HNRNPM: variants seen among roughly 807,000 people sequenced by gnomAD.
The protein encoded by HNRNPM is CEA receptor.
HNRNPM carries 11 observed loss-of-function variants against 73.1 expected under a neutral mutation model. That is an observed-to-expected ratio of 0.15 (90% CI 0.09 to 0.25). The LOEUF (loss-of-function observed/expected upper bound fraction) is 0.25. HNRNPM is among the 10% of genes least tolerant of loss of function. HNRNPM has a pLI of 1.00. For missense variants in HNRNPM, 789 were observed against 1,067.9 expected, an observed-to-expected ratio of 0.74 and a Z score of 3.64; for synonymous variants, 407 against 355.2, an observed-to-expected ratio of 1.15 and a Z score of -1.64.
intron 10 of HNRNPM, 54 bp from the exon 11 acceptor site, chr19:8,473,610 C>T (rs891720723): frequency 3.4e-5 from 37 of 1,093,262 alleles, no homozygotes; most frequent in Admixed American, 1.9e-4. Context: ...TAAGTTCAAA[C>T]GTTATTTACT....
intron 1 of HNRNPM, among the ~76,000 whole-genome samples, chr19:8,446,545 G>C (rs1466436358): frequency 6.6e-6 from 1 of 152,132 alleles, no homozygotes; most frequent in Non-Finnish European, 1.5e-5. Flanking sequence ...GAGTAGCTGG[G>C]ATCACAGGCG....
chr19:8,458,733 C>CT (rs1442658203), intron 2 of HNRNPM, among the ~76,000 whole-genome samples: 2 of 152,340 alleles, frequency 1.3e-5, no homozygotes, highest in African/African-American at 4.8e-5. Context: ...TAATACACCA[C>CT]TTTAAGTAAA....
chr19:8,449,174 G>T (rs1398434628), intron 1 of HNRNPM, among the ~76,000 whole-genome samples: 2 of 152,210 alleles, frequency 1.3e-5, no homozygotes, highest in Non-Finnish European at 2.9e-5. Flanking sequence ...AGAAGACAGG[G>T]TTTTGGATTA....
intron 13 of HNRNPM, among the ~76,000 whole-genome samples, chr19:8,484,435 A>G (rs1297550655): frequency 1.3e-5 from 2 of 152,094 alleles, no homozygotes; most frequent in Admixed American, 1.3e-4. Flanking sequence ...GGCCTCCCAA[A>G]GTACTGGGAT....
chr19:8,484,587 G>A (rs751603277), intron 13 of HNRNPM, among the ~76,000 whole-genome samples: 1 of 152,208 alleles, frequency 6.6e-6, no homozygotes, highest in African/African-American at 2.4e-5. Flanking sequence ...CTTAGAGTCG[G>A]GCCTGCTTTG....
At chr19:8,446,670 T>C (rs1968210589) in intron 1 of HNRNPM, among the ~76,000 whole-genome samples, 1 of 152,174 alleles carries the variant, frequency 6.6e-6, no homozygotes, top group South Asian at 2.1e-4. Context: ...TCCAAAGTGC[T>C]GAAGTTACAG....
chr19:8,488,514 C>A, intron 15 of HNRNPM, 177 bp from the exon 16 acceptor site: 1 of 517,430 alleles, frequency 1.9e-6, no homozygotes, highest in South Asian at 3.5e-5. Context: ...GGGGCAGGGG[C>A]AGGCTCTGTT....
chr19:8,485,575 C>T, intron 13 of HNRNPM, 28 bp from the exon 14 acceptor site: 1 of 1,582,504 alleles, frequency 6.3e-7, no homozygotes, highest in South Asian at 1.1e-5. Context: ...TTCTTGACAC[C>T]CACCTGTGTT....
chr19:8,476,574 AAAAAAGAG>A (rs1399127745), intron 12 of HNRNPM, among the ~76,000 whole-genome samples: 1 of 40,974 alleles, frequency 2.4e-5, no homozygotes, highest in Non-Finnish European at 1.6e-4. Context: ...GTTAAAAAAA[AAAAAAGAG>A]AGATTGTTAA....
At chr19:8,482,165 A>T (rs142420198) in intron 12 of HNRNPM, among the ~76,000 whole-genome samples, 4 of 151,846 alleles carry the variant, frequency 2.6e-5, no homozygotes, top group African/African-American at 9.7e-5. Context: ...GGGTTTCACC[A>T]TGTTGGCCAG....
intron 8 of HNRNPM, 68 bp downstream of exon 8, chr19:8,467,652 T>A: frequency 9.2e-7 from 1 of 1,084,734 alleles, no homozygotes; most frequent in Non-Finnish European, 1.4e-6. Flanking sequence ...AATAAGAGTG[T>A]ACATATAGCC....
Position 8,462,689 on chromosome 19 carries a change from A to G in HNRNPM, c.336+108A>G, listed in dbSNP as rs1371072927. ...GGAAGGCAGTGAGTGCTCATGTTAC[A>G]GTAGCTATGTTTGATTTTGCCAAAC... On this transcript the variant is annotated intron_variant, in intron 3 of 15. Coordinates refer to ENST00000325495, the MANE Select transcript of HNRNPM (RefSeq NM_005968.5). This position sits in a 1 kb window ranked among gnomAD's most constrained non-coding sequence, Gnocchi z 4.5. 2 of 929,896 alleles carry G rather than the reference A, an allele frequency of 2.2e-6. No individual in the cohort carries two copies. Among genetic ancestry groups the G allele is most frequent in the African/African-American group, 3.2e-5 (2 of 61,598 alleles). 57.6% of individuals were successfully genotyped at this position (929,896 alleles called of 1,614,324 possible).
intron 6 of HNRNPM, 52 bp downstream of exon 6, chr19:8,465,567 G>T: frequency 1.7e-6 from 2 of 1,148,222 alleles, no homozygotes; most frequent in South Asian, 1.5e-5. Context: ...TTTATGAAAT[G>T]ACCTTGTCAA....
chr19:8,450,887 G>C (rs929176266), intron 1 of HNRNPM, among the ~76,000 whole-genome samples: 1 of 150,392 alleles, frequency 6.6e-6, no homozygotes, highest in African/African-American at 2.5e-5. Context: ...CCGCCACCAT[G>C]CCCGGCTAAT....
intron 10 of HNRNPM, among the ~76,000 whole-genome samples, 190 bp from the exon 11 acceptor site, chr19:8,473,474 T>A (rs960673387): frequency 8.0e-5 from 12 of 150,890 alleles, no homozygotes; most frequent in Non-Finnish European, 1.3e-4. Flanking sequence ...AAAAAAAAAA[T>A]AGCTATATGA....
At chr19:8,473,260 A>G (rs1178027460) in intron 10 of HNRNPM, among the ~76,000 whole-genome samples, 2 of 152,002 alleles carry the variant, frequency 1.3e-5, no homozygotes. Context: ...AAAAAAACAC[A>G]AAAACCCTGC....
intron 3 of HNRNPM, among the ~76,000 whole-genome samples, chr19:8,463,017 A>G (rs989853807): frequency 6.6e-6 from 1 of 152,228 alleles, no homozygotes; most frequent in African/African-American, 2.4e-5. Flanking sequence ...AGTAAATTGT[A>G]AACCAAATAT....
chr19:8,486,104 G>T lies in HNRNPM; in HGVS notation c.1676G>T (p.Gly559Val). 1 of 1,606,364 alleles carries T rather than the reference G, an allele frequency of 6.2e-7. No homozygotes were observed. Reference sequence around the variant, plus strand: ...ATGGCCACCGGCCTGGAGCGCATGGGCGCCAACAATCTGGAGCGGATGGGC... The same window carrying T: ...ATGGCCACCGGCCTGGAGCGCATGGTCGCCAACAATCTGGAGCGGATGGGC... Reference protein sequence around the residue: ...DRMATGLERMGANNLERMGLE... With the variant: ...DRMATGLERMVANNLERMGLE... Residue 559 changes from glycine to valine, a missense_variant, in exon 14 of 16, where the codon GGC (glycine) becomes GTC (valine). Transcript: ENST00000325495.
At chr19:8,450,180 CTT>C (rs2145609152) in intron 1 of HNRNPM, among the ~76,000 whole-genome samples, 1 of 152,240 alleles carries the variant, frequency 6.6e-6, no homozygotes, top group South Asian at 2.1e-4. Context: ...TGAAGAATCA[CTT>C]TATATAAGGG....
Sources: gnomAD v4.1 joint callset for allele counts (sites outside exome capture counted in the v4.1 genomes callset) on GRCh38, gnomAD v4.1.1 for gene constraint, Gnocchi (gnomAD v3.1) non-coding constraint, MANE v1.5 for transcripts, NCBI Gene and HGNC (gene_info 2026-07-23, HGNC 2026-07-21) for gene names.